LILRB1: variants seen among roughly 807,000 people sequenced by gnomAD.
The protein encoded by LILRB1 is leukocyte immunoglobulin like receptor B1.
A neutral mutation model predicts 74.6 loss-of-function variants in LILRB1; 59 were observed. That is an observed-to-expected ratio of 0.79 (90% CI 0.64 to 0.98). The LOEUF (loss-of-function observed/expected upper bound fraction) is 0.98, where lower values mean the gene tolerates loss of function less well. Among genes scored for constraint, LILRB1 ranks in the 50% least tolerant of loss-of-function variants. The probability of loss-of-function intolerance (pLI) is 0.00; values close to 1 mark genes in which losing one functional copy is unlikely to be tolerated. For synonymous variants in LILRB1, 328 were observed against 333.9 expected (o/e 0.98, Z 0.19); for missense variants, 804 against 822.6 (o/e 0.98, Z 0.28).
At position 54,633,707 on chromosome 19, in the gene LILRB1, T is replaced by C. The variant is rs374401934; in HGVS notation, c.1312+19T>C. 441 of 1,612,032 alleles carry C rather than the reference T, an allele frequency of 2.7e-4. 2 individuals carry two copies. In the African/African-American group the frequency reaches 5.2e-3, roughly 19 times the overall value. On this transcript the variant is annotated intron_variant, in intron 8 of 14. Transcript: ENST00000324602. ...ACATCTGGTGAGTCCCTGAGGCTTC[T>C]GAACTCAAGGGAGTGCGGCCTCCCC... is the stretch of plus-strand genomic sequence containing the variant.
At chr19:54,632,267 C>G (rs1412181933) in intron 5 of LILRB1, 30 bp downstream of exon 5, 6 of 1,598,304 alleles carry the variant, frequency 3.8e-6, no homozygotes, top group Non-Finnish European at 5.1e-6. Context: ...GCCTGGAGTT[C>G]CCTGAGTCTC....
Position 54,634,779 on chromosome 19 carries a change from G to T in LILRB1, c.1486+16G>T. 6.2e-7 allele frequency: 1 copy of T among 1,613,424 alleles called. No homozygotes were observed. The highest frequency in any genetic ancestry group is 8.5e-7 in the Non-Finnish European group (1 of 1,179,616). On this transcript the variant is annotated intron_variant, in intron 10 of 14. Coordinates refer to ENST00000324602, the MANE Select transcript of LILRB1 (RefSeq NM_001081637.3). The stretch of plus-strand genomic sequence containing the variant: ...TGGACATCGAGTGAGTAGGGAATGG[G>T]GGGACCCTGAGGGCTGACCGAGGGT...
Position 54,637,177 on chromosome 19 carries a change from C to G in LILRB1, c.*299C>G. The G allele has an allele frequency of 2.7e-6, 1 of 371,208 alleles. No individual in the cohort carries two copies. The highest frequency in any genetic ancestry group is 4.8e-6 in the Non-Finnish European group (1 of 206,998). 23.0% of individuals were successfully genotyped at this position (371,208 alleles called of 1,614,324 possible). On this transcript the variant is annotated 3_prime_UTR_variant, in exon 15 of 15. Coordinates refer to ENST00000324602, the MANE Select transcript of LILRB1 (RefSeq NM_001081637.3). ...GATGAAACTGGAAAACTACAAGCCA[C>G]GAATGAATGAATTAGGAAAGAAAAA... is the stretch of plus-strand genomic sequence containing the variant.
At chr19:54,634,575 C>G in intron 9 of LILRB1, 66 bp from the exon 10 acceptor site, 1 of 1,544,134 alleles carries the variant, frequency 6.5e-7, no homozygotes, top group Non-Finnish European at 8.8e-7. Context: ...GTCCAGCAGT[C>G]ACCTGCACAC....
intron 1 of LILRB1, among the ~76,000 whole-genome samples, chr19:54,620,022 G>T (rs2063413884): frequency 1.4e-5 from 2 of 147,624 alleles, no homozygotes. Context: ...TGTTTTTGGT[G>T]ATGCATATAA....
chr19:54,637,854 A>C lies in LILRB1; in HGVS notation c.*976A>C, dbSNP rs993044374. ...TGGAACAGGCGGCAAACCTATGCCA[A>C]TATACTAGAAATTGCAGATTAAATA... On this transcript the variant is annotated 3_prime_UTR_variant, in exon 15 of 15. Coordinates refer to ENST00000324602, the MANE Select transcript of LILRB1 (RefSeq NM_001081637.3). 6.6e-6 allele frequency among the ~76,000 whole-genome samples: 1 copy of C among 152,264 alleles called. No individual in the cohort carries two copies. Among genetic ancestry groups the C allele is most frequent in the South Asian group, 2.1e-4 (1 of 4,836 alleles).
chr19:54,628,367 G>C (rs1001870796), upstream of LILRB1, among the ~76,000 whole-genome samples: 5 of 152,166 alleles, frequency 3.3e-5, no homozygotes, highest in Admixed American at 6.5e-5. Flanking sequence ...CTCTGACACT[G>C]TCTACCCAGA....
At chr19:54,635,005 A>T in intron 10 of LILRB1, 99 bp from the exon 11 acceptor site, 1 of 1,397,778 alleles carries the variant, frequency 7.2e-7, no homozygotes, top group Non-Finnish European at 9.6e-7. Context: ...ACATGGAGGC[A>T]GGAGTGTTTT....
upstream of LILRB1, among the ~76,000 whole-genome samples, chr19:54,626,641 G>A (rs1568570084): frequency 6.6e-6 from 1 of 152,186 alleles, no homozygotes; most frequent in Non-Finnish European, 1.5e-5. Context: ...GTGTTGATAT[G>A]ATTTACTATT....
At chr19:54,632,332 G>A (rs1357309206) in intron 5 of LILRB1, 95 bp downstream of exon 5, 3 of 1,554,392 alleles carry the variant, frequency 1.9e-6, no homozygotes, top group African/African-American at 2.7e-5. Context: ...GATGATGTTG[G>A]GGCGAGAGGG....
At chr19:54,624,626 C>T (rs1357508499) in intron 1 of LILRB1, among the ~76,000 whole-genome samples, 3 of 152,276 alleles carry the variant, frequency 2.0e-5, no homozygotes, top group East Asian at 1.9e-4. Context: ...GGTCAGGTGC[C>T]AGCAGGGTAG....
intron 9 of LILRB1, chr19:54,634,263 C>A: frequency 6.6e-7 from 1 of 1,520,008 alleles, no homozygotes; most frequent in East Asian, 2.5e-5. Flanking sequence ...GACCCGATTC[C>A]GCGGGGGCCT....
Position 54,632,559 on chromosome 19 carries a change from A to C in LILRB1, c.757A>C (p.Asn253His). Residue 253 changes from asparagine to histidine, a missense_variant, in exon 6 of 15, where the codon AAC (asparagine) becomes CAC (histidine). Asn to His is a moderately conservative substitution (Grantham distance 68, BLOSUM62 1). Transcript: ENST00000324602. ...TLQCGSDAGY[N>H]RFVLYKDGER... Reference sequence around the variant, plus strand: ...GCAGTGTGGCTCTGATGCTGGCTACAACAGATTTGTTCTGTATAAGGACGG... The same window carrying C: ...GCAGTGTGGCTCTGATGCTGGCTACCACAGATTTGTTCTGTATAAGGACGG... 1 of 1,614,018 alleles carries C rather than the reference A, an allele frequency of 6.2e-7. No individual in the cohort carries two copies. The highest frequency in any genetic ancestry group is 8.5e-7 in the Non-Finnish European group (1 of 1,179,966).
chr19:54,635,894 C>T lies in LILRB1; in HGVS notation c.1653+285C>T, dbSNP rs750246183. 19 of 640,486 alleles carry T rather than the reference C, an allele frequency of 3.0e-5. No individual in the cohort carries two copies. In the East Asian group the frequency reaches 5.1e-4, roughly 17 times the overall value. 39.7% of individuals were successfully genotyped at this position (640,486 alleles called of 1,614,324 possible). On this transcript the variant is annotated intron_variant, in intron 13 of 14. Transcript: ENST00000324602. ...AGGATGAGGAATAAATGAACCACCCCGGTCCCCCAGGCTCCCCTTCATTCA... is the reference window on the plus strand; with the variant it reads ...AGGATGAGGAATAAATGAACCACCCTGGTCCCCCAGGCTCCCCTTCATTCA...
At chr19:54,635,748 C>T (rs1385200054) in intron 13 of LILRB1, 139 bp downstream of exon 13, 1 of 999,282 alleles carries the variant, frequency 1.0e-6, no homozygotes, top group Non-Finnish European at 1.6e-6. Context: ...TGCCTCCCGC[C>T]TGCTGCGACC....
chr19:54,617,761 A>G lies in LILRB1; in HGVS notation c.-166+412A>G, dbSNP rs143626960. On this transcript the variant is annotated intron_variant, in intron 1 of 15. Transcript: ENST00000396331. Reference sequence around the variant, plus strand: ...AGTGTTTCCTGTAACATGGAAATTTAGGGTTATTTAGCTGACAACTGCCTG... The same window carrying G: ...AGTGTTTCCTGTAACATGGAAATTTGGGGTTATTTAGCTGACAACTGCCTG... Among the ~76,000 whole-genome samples the G allele has an allele frequency of 1.2e-3, 180 of 152,180 alleles. 2 individuals carry two copies. In the Middle Eastern group the frequency reaches 0.024, roughly 20 times the overall value.
intron 9 of LILRB1, chr19:54,634,262 C>T (rs1286936372): frequency 6.6e-7 from 1 of 1,519,244 alleles, no homozygotes; most frequent in Non-Finnish European, 8.9e-7. Flanking sequence ...AGACCCGATT[C>T]CGCGGGGGCC....
intron 1 of LILRB1, among the ~76,000 whole-genome samples, chr19:54,623,496 G>C (rs2063505289): frequency 6.6e-6 from 1 of 152,108 alleles, no homozygotes; most frequent in South Asian, 2.1e-4. Flanking sequence ...CTGTGGCGTT[G>C]GTTGTAATGT....
At position 54,632,059 on chromosome 19, in the gene LILRB1, A is replaced by C. The variant is rs1218608063; in HGVS notation, c.483A>C (p.Glu161Asp). The change falls in exon 5 of 15, where the codon GAA becomes GAC. Residue 161 changes from glutamate (E) to aspartate (D), a missense_variant. Glu to Asp is a conservative substitution (Grantham distance 45). Coordinates refer to ENST00000324602, the MANE Select transcript of LILRB1 (RefSeq NM_001081637.3). ...GCTTCATTCTGTGTAAGGAAGGAGA[A>C]GATGAACACCCACAATGCCTGAACT... ...FDGFILCKEG[E>D]DEHPQCLNSQ... The C allele has an allele frequency of 3.1e-6, 5 of 1,614,118 alleles. No individual in the cohort carries two copies. The highest frequency in any genetic ancestry group is 1.6e-4 in the Middle Eastern group (1 of 6,084).
Sources: allele counts gnomAD v4.1 joint callset (sites outside exome capture counted in the v4.1 genomes callset), GRCh38; gene constraint gnomAD v4.1.1; transcripts MANE v1.5; gene names NCBI Gene and HGNC (gene_info 2026-07-23, HGNC 2026-07-21).